The following MAGI2 variants were observed in gnomAD, a reference collection of about 807,000 sequenced individuals.
MAGI2 encodes membrane-associated guanylate kinase, WW and PDZ domain-containing protein 2.
MAGI2 carries 35 observed loss-of-function variants against 133.3 expected under a neutral mutation model. The ratio of observed to expected loss-of-function variants is 0.26; its 90% confidence interval spans 0.20 to 0.35. MAGI2 has a LOEUF of 0.35. MAGI2 is among the 10% of genes least tolerant of loss of function. The probability of loss-of-function intolerance (pLI) is 1.00; values close to 1 mark genes in which losing one functional copy is unlikely to be tolerated. For missense variants in MAGI2, 1,636 were observed against 1,863.4 expected (o/e 0.88, Z 2.25); for synonymous variants, 729 against 710.6 (o/e 1.03, Z -0.41).
rs537273103 is a variant in MAGI2 at position 79,224,978 on chromosome 7, T to A, written c.302-217772A>T. Among the ~76,000 whole-genome samples the A allele has an allele frequency of 5.9e-5, 9 of 152,340 alleles. No individual in the cohort carries two copies. In the East Asian group the frequency reaches 1.2e-3, roughly 20 times the overall value. On this transcript the variant is annotated intron_variant, in intron 1 of 21. Transcript: ENST00000354212. ...TTACTGCATGTAAATTATATCTTAA[T>A]AAACTTTACATTTAAAAGTCACATA...
At chr7:79,012,497 G>T (rs945145628) in intron 1 of MAGI2, among the ~76,000 whole-genome samples, 2 of 151,994 alleles carry the variant, frequency 1.3e-5, no homozygotes, top group Admixed American at 6.6e-5. Context: ...AGCTTCCCAG[G>T]AGAGAGTGTT....
At chr7:78,280,821 C>T (rs541957336) in intron 9 of MAGI2, among the ~76,000 whole-genome samples, 27 of 136,074 alleles carry the variant, frequency 2.0e-4, no homozygotes, top group African/African-American at 7.9e-4. Context: ...TCAGGAATTG[C>T]CTTTTAACTT....
chr7:78,956,235 A>T (rs1397920833), intron 2 of MAGI2, among the ~76,000 whole-genome samples: 4 of 152,168 alleles, frequency 2.6e-5, no homozygotes, highest in Non-Finnish European at 4.4e-5. Flanking sequence ...ATTTATTAAA[A>T]TGATGTATTT....
At chr7:79,152,045 C>A (rs1192692368) in intron 1 of MAGI2, among the ~76,000 whole-genome samples, 1 of 152,096 alleles carries the variant, frequency 6.6e-6, no homozygotes, top group Non-Finnish European at 1.5e-5. Flanking sequence ...GGTAAAGTAG[C>A]ACTTCAACTC....
intron 2 of MAGI2, among the ~76,000 whole-genome samples, chr7:78,645,987 C>A (rs1428783447): frequency 6.6e-6 from 1 of 152,134 alleles, no homozygotes; most frequent in Non-Finnish European, 1.5e-5. Flanking sequence ...GAGTTGCCCG[C>A]CTTGGCCTCC....
At chr7:78,286,250 C>T (rs1018619456) in intron 9 of MAGI2, among the ~76,000 whole-genome samples, 1 of 151,996 alleles carries the variant, frequency 6.6e-6, no homozygotes, top group Non-Finnish European at 1.5e-5. Context: ...CATATTTTGT[C>T]TTATTCTTAA....
chr7:79,037,845 AT>A (rs1166202095), intron 1 of MAGI2, among the ~76,000 whole-genome samples: 2 of 152,004 alleles, frequency 1.3e-5, no homozygotes, highest in East Asian at 1.9e-4. Flanking sequence ...AAACTGGAAA[AT>A]TTTTCTTGTA....
At chr7:78,291,315 T>C (rs1287458796) in intron 9 of MAGI2, among the ~76,000 whole-genome samples, 1 of 152,080 alleles carries the variant, frequency 6.6e-6, no homozygotes, top group African/African-American at 2.4e-5. Context: ...TCTATGCAAA[T>C]AAACTAGAAA....
At chr7:78,769,489 G>T (rs147258137) in intron 2 of MAGI2, among the ~76,000 whole-genome samples, 1 of 122,692 alleles carries the variant, frequency 8.2e-6, no homozygotes, top group African/African-American at 3.1e-5. Flanking sequence ...AAGTAAAACC[G>T]TCACCACCCA....
At chr7:78,511,202 T>C (rs890118144) in intron 4 of MAGI2, among the ~76,000 whole-genome samples, 6 of 152,242 alleles carry the variant, frequency 3.9e-5, no homozygotes, top group South Asian at 4.1e-4. Context: ...AAAAATATGA[T>C]TGTGTTGATT....
chr7:78,631,895 C>G (rs1190713184), intron 2 of MAGI2, among the ~76,000 whole-genome samples: 1 of 152,198 alleles, frequency 6.6e-6, no homozygotes, highest in Non-Finnish European at 1.5e-5. Context: ...GAGCAAGGTT[C>G]TCCACCTCTG....
intron 1 of MAGI2, among the ~76,000 whole-genome samples, chr7:79,192,072 A>C (rs1264295615): frequency 1.3e-5 from 2 of 151,904 alleles, no homozygotes; most frequent in Non-Finnish European, 2.9e-5. Context: ...ATCTAATAAC[A>C]TGATAGAATA....
rs149639639 is a variant in MAGI2 at position 79,197,738 on chromosome 7, G to A, written c.302-190532C>T. Among the ~76,000 whole-genome samples the A allele has an allele frequency of 3.0e-4, 45 of 152,048 alleles. No homozygotes were observed. The East Asian group carries it at 7.2e-3, about 24-fold the overall frequency. On this transcript the variant is annotated intron_variant, in intron 1 of 21. Transcript: ENST00000354212. ...GGAAGTCCAAGGTGAAGGCTGTACCGACTCCATGTCTGGTAAGGACTCTTT... is the reference window on the plus strand; with the variant it reads ...GGAAGTCCAAGGTGAAGGCTGTACCAACTCCATGTCTGGTAAGGACTCTTT...
At chr7:79,209,671 C>G (rs886500568) in intron 1 of MAGI2, among the ~76,000 whole-genome samples, 1 of 152,040 alleles carries the variant, frequency 6.6e-6, no homozygotes, top group Non-Finnish European at 1.5e-5. Flanking sequence ...CCCTCACACT[C>G]TCCTCCAGGA....
At chr7:79,156,962 ACTGCTAAGTC>A (rs1227262816) in intron 1 of MAGI2, among the ~76,000 whole-genome samples, 1 of 152,062 alleles carries the variant, frequency 6.6e-6, no homozygotes, top group African/African-American at 2.4e-5. Context: ...TTCTGGTAGA[ACTGCTAAGTC>A]CTCCTGAGTC....
At chr7:79,386,556 C>T (rs1240032116) in intron 1 of MAGI2, among the ~76,000 whole-genome samples, 1 of 152,010 alleles carries the variant, frequency 6.6e-6, no homozygotes, top group Admixed American at 6.6e-5. Flanking sequence ...GATACTCAAT[C>T]AGCCAATAAG....
At chr7:78,231,711 T>C (rs1430247940) in intron 10 of MAGI2, among the ~76,000 whole-genome samples, 1 of 152,084 alleles carries the variant, frequency 6.6e-6, no homozygotes, top group African/African-American at 2.4e-5. Flanking sequence ...GTAAACAAGC[T>C]CTCTTTTCCC....
intron 2 of MAGI2, among the ~76,000 whole-genome samples, chr7:78,890,326 A>G (rs1796637050): frequency 6.6e-6 from 1 of 152,216 alleles, no homozygotes; most frequent in African/African-American, 2.4e-5. Flanking sequence ...AATGAGACAG[A>G]AACTTAACAA....
chr7:79,415,167 G>C (rs1288287668), intron 1 of MAGI2: 1 of 152,134 alleles, frequency 6.6e-6, no homozygotes, highest in Non-Finnish European at 1.5e-5. Flanking sequence ...ATAAGAAAAA[G>C]CTATGAATTC....
Sources: gnomAD v4.1 joint callset for allele counts (sites outside exome capture counted in the v4.1 genomes callset) on GRCh38, gnomAD v4.1.1 for gene constraint, MANE v1.5 for transcripts, NCBI Gene and HGNC (gene_info 2026-07-23, HGNC 2026-07-21) for gene names.